The following ARHGAP24 variants were observed in gnomAD, a reference collection of about 807,000 sequenced individuals.
ARHGAP24 encodes the protein Rho GTPase activating protein 24.
Under a neutral mutation model 76.4 loss-of-function variants are expected in ARHGAP24, and 50 were observed. That is an observed-to-expected ratio of 0.65 (90% CI 0.52 to 0.83). The LOEUF (loss-of-function observed/expected upper bound fraction) is 0.83. Among genes scored for constraint, ARHGAP24 ranks in the 40% least tolerant of loss-of-function variants. The pLI, the probability that ARHGAP24 is intolerant of heterozygous loss-of-function variation, is 0.00. For synonymous variants in ARHGAP24, 345 were observed against 323.3 expected, an observed-to-expected ratio of 1.07 and a Z score of -0.72; for missense variants, 930 against 914.2, an observed-to-expected ratio of 1.02 and a Z score of -0.22.
chr4:85,636,292 A>T (rs143811268), intron 2 of ARHGAP24, among the ~76,000 whole-genome samples: 1 of 151,520 alleles, frequency 6.6e-6, no homozygotes, highest in Non-Finnish European at 1.5e-5. Flanking sequence ...TTCTCTTCAG[A>T]TGTTTTCTTA....
At chr4:85,623,025 G>C (rs955427283) in intron 2 of ARHGAP24, among the ~76,000 whole-genome samples, 4 of 152,004 alleles carry the variant, frequency 2.6e-5, no homozygotes, top group Admixed American at 2.0e-4. Flanking sequence ...GGGTTGCAAA[G>C]ATTTTCTCCC....
chr4:85,491,704 G>A (rs1016645608), intron 1 of ARHGAP24, among the ~76,000 whole-genome samples: 1 of 152,140 alleles, frequency 6.6e-6, no homozygotes, highest in Admixed American at 6.5e-5. Flanking sequence ...AGCCCAAGGA[G>A]GGCTCTGGCC....
Position 85,665,858 on chromosome 4 carries a change from G to A in ARHGAP24, c.181-56027G>A, listed in dbSNP as rs535888646. ...GAATATTGGCCCCCACTCTCTTCTG[G>A]CTTGTAGGGTTTCTGCCAAGAGATC... is the stretch of plus-strand genomic sequence containing the variant. On this transcript the variant is annotated intron_variant, in intron 2 of 9. Coordinates refer to ENST00000395184, the MANE Select transcript of ARHGAP24 (RefSeq NM_001025616.3). Among the ~76,000 whole-genome samples, 500 of 152,304 alleles carry A rather than the reference G, an allele frequency of 3.3e-3. 2 individuals are homozygous for A. The highest frequency in any genetic ancestry group is 5.3e-3 in the Non-Finnish European group (358 of 68,024).
intron 2 of ARHGAP24, among the ~76,000 whole-genome samples, chr4:85,685,867 G>A (rs899209413): frequency 1.3e-4 from 20 of 152,190 alleles, no homozygotes; most frequent in African/African-American, 4.3e-4. Context: ...TTTGTAGAAA[G>A]TTTGACAGGA....
chr4:85,580,142 G>A (rs576413277), intron 2 of ARHGAP24, among the ~76,000 whole-genome samples: 1 of 146,528 alleles, frequency 6.8e-6, no homozygotes, highest in East Asian at 2.7e-4. Flanking sequence ...GTGGTGGGGG[G>A]GGAGGGTGAT....
At chr4:85,576,217 C>CAGG (rs3028041) in intron 2 of ARHGAP24, among the ~76,000 whole-genome samples, 149,771 of 152,192 alleles carry the variant, frequency 0.98, 73,734 homozygotes, top group South Asian at 1. Context: ...ATCACGAGGT[C>CAGG]AGATCGAGAC....
intron 3 of ARHGAP24, among the ~76,000 whole-genome samples, chr4:85,832,115 AG>A (rs758422792): frequency 5.3e-5 from 8 of 152,192 alleles, no homozygotes; most frequent in Non-Finnish European, 8.8e-5. Flanking sequence ...AGGGTCAGTC[AG>A]GGGCAGAGGG....
chr4:85,745,689 CAT>C (rs1423920311), intron 3 of ARHGAP24, among the ~76,000 whole-genome samples: 2 of 151,708 alleles, frequency 1.3e-5, no homozygotes, highest in Admixed American at 6.6e-5. Flanking sequence ...GTGAATAAAA[CAT>C]AGTCCTTGAA....
chr4:85,745,321 TATATATAC>T (rs533638138), intron 3 of ARHGAP24, among the ~76,000 whole-genome samples: 205 of 147,626 alleles, frequency 1.4e-3, no homozygotes, highest in African/African-American at 3.9e-3. Context: ...GTAGTATATG[TATATATAC>T]ATATATACAT....
intron 3 of ARHGAP24, among the ~76,000 whole-genome samples, chr4:85,867,898 C>CATATATAT (rs113874290): frequency 0.09 from 9,564 of 106,542 alleles, 522 homozygotes; most frequent in East Asian, 0.43. Flanking sequence ...TGTGTGTGTA[C>CATATATAT]ATATATATAT....
intron 3 of ARHGAP24, among the ~76,000 whole-genome samples, chr4:85,897,613 G>A (rs959666609): frequency 6.6e-6 from 1 of 152,186 alleles, no homozygotes; most frequent in Non-Finnish European, 1.5e-5. Flanking sequence ...CCAGCTGAAC[G>A]CTGAAGCCAG....
At chr4:85,530,286 A>G (rs1163801876) in intron 1 of ARHGAP24, among the ~76,000 whole-genome samples, 3 of 152,074 alleles carry the variant, frequency 2.0e-5, no homozygotes, top group Admixed American at 2.0e-4. Flanking sequence ...CAAATGAATG[A>G]GAATTACGAT....
At chr4:85,799,616 A>G (rs1156823875) in intron 3 of ARHGAP24, among the ~76,000 whole-genome samples, 1 of 152,202 alleles carries the variant, frequency 6.6e-6, no homozygotes, top group Non-Finnish European at 1.5e-5. Flanking sequence ...AAATCTATCT[A>G]TGAATGCTAA....
intron 2 of ARHGAP24, among the ~76,000 whole-genome samples, chr4:85,691,792 G>A (rs951777685): frequency 3.3e-5 from 5 of 152,084 alleles, no homozygotes; most frequent in Admixed American, 6.5e-5. Context: ...TTTTTATCCA[G>A]TTTGCCACTC....
chr4:85,977,872 G>C (rs1055875406), intron 8 of ARHGAP24, among the ~76,000 whole-genome samples, 181 bp downstream of exon 8: 3 of 151,914 alleles, frequency 2.0e-5, no homozygotes, highest in African/African-American at 7.3e-5. Flanking sequence ...TTTTTTGTTT[G>C]TGTTTACTAA....
chr4:85,574,383 G>T (rs1727284024), intron 2 of ARHGAP24, among the ~76,000 whole-genome samples: 1 of 152,224 alleles, frequency 6.6e-6, no homozygotes, highest in African/African-American at 2.4e-5. Flanking sequence ...ACTGTCTAGA[G>T]GGCTTGGGAA....
At chr4:85,987,344 G>A (rs1035681513) in intron 8 of ARHGAP24, among the ~76,000 whole-genome samples, 9 of 151,956 alleles carry the variant, frequency 5.9e-5, no homozygotes, top group African/African-American at 1.5e-4. Flanking sequence ...GTGCCAGAAC[G>A]AAGTCCAACA....
intron 3 of ARHGAP24, among the ~76,000 whole-genome samples, chr4:85,783,408 T>A (rs1209845056): frequency 6.6e-6 from 1 of 152,196 alleles, no homozygotes; most frequent in Non-Finnish European, 1.5e-5. Context: ...CTTTTACATA[T>A]GACTTTGCTC....
At position 85,860,626 on chromosome 4, in the gene ARHGAP24, C is replaced by T. The variant is rs75743560; in HGVS notation, c.269-63022C>T. The stretch of plus-strand genomic sequence containing the variant: ...ATAACTGAAATTCCTGAGGATGGGA[C>T]GACCGTGAAATGATGAATGATTAGG... On this transcript the variant is annotated intron_variant, in intron 3 of 9. Coordinates refer to ENST00000395184, the MANE Select transcript of ARHGAP24 (RefSeq NM_001025616.3). 7.5e-3 allele frequency among the ~76,000 whole-genome samples: 1,137 copies of T among 152,014 alleles called. 10 individuals are homozygous for T. Among genetic ancestry groups the T allele is most frequent in the African/African-American group, 0.026 (1,073 of 41,480 alleles).
Sources: allele counts gnomAD v4.1 joint callset (sites outside exome capture counted in the v4.1 genomes callset), GRCh38; gene constraint gnomAD v4.1.1; transcripts MANE v1.5; gene names NCBI Gene and HGNC (gene_info 2026-07-23, HGNC 2026-07-21).